The following MIB1 variants were observed in gnomAD, a reference collection of about 807,000 sequenced individuals.
MIB1 encodes MIB E3 ubiquitin protein ligase 1.
In MIB1, 278 loss-of-function variants were observed where a neutral mutation model predicts 124.5. The observed-to-expected ratio is 2.23, with a 90% CI of 2.02 to 2.47. The LOEUF (loss-of-function observed/expected upper bound fraction) is 2.47, where lower values mean the gene tolerates loss of function less well. Among genes scored for constraint, MIB1 ranks in the 30% most tolerant of loss-of-function variants. MIB1 has a pLI of 0.00. For missense variants in MIB1, 957 were observed against 1,254.4 expected (o/e 0.76, Z 3.58); for synonymous variants, 446 against 429.4 (o/e 1.04, Z -0.48).
In MIB1 at chr18:21,804,010, C is replaced by G; in HGVS notation, c.1475C>G (p.Ala492Gly). ...LLLKQNVDVE[A>G]EDKDGDRAVH... ...TTGAAGCAAAACGTGGATGTCGAAG[C>G]AGAGGTAAGTAAACTTGAAAAATAT... The change falls in exon 10 of 21, where the codon GCA (alanine) becomes GGA (glycine). Residue 492 changes from alanine to glycine, a missense_variant. Physicochemically the swap from Ala to Gly is moderately conservative, Grantham distance 60. Transcript: ENST00000261537. 1 of 1,608,194 alleles carries G rather than the reference C, an allele frequency of 6.2e-7. No individual in the cohort carries two copies. Among genetic ancestry groups the G allele is most frequent in the Non-Finnish European group, 8.5e-7 (1 of 1,175,104 alleles).
intron 1 of MIB1, among the ~76,000 whole-genome samples, chr18:21,734,508 CT>C (rs1346207213): frequency 6.7e-6 from 1 of 149,868 alleles, no homozygotes; most frequent in Non-Finnish European, 1.5e-5. Context: ...TTCTTTCTTT[CT>C]TTCTTGTCTC....
At chr18:21,723,777 G>A (rs2040725548) in intron 1 of MIB1, among the ~76,000 whole-genome samples, 1 of 152,142 alleles carries the variant, frequency 6.6e-6, no homozygotes, top group South Asian at 2.1e-4. Context: ...GCCTCCCAAA[G>A]TGTTGGGATT....
chr18:21,769,396 A>G lies in MIB1; in HGVS notation c.531+644A>G, dbSNP rs535420353. Among the ~76,000 whole-genome samples the G allele has an allele frequency of 3.9e-5, 6 of 152,338 alleles. No individual in the cohort carries two copies. In the East Asian group the frequency reaches 1.2e-3, roughly 29 times the overall value. On this transcript the variant is annotated intron_variant, in intron 3 of 20. Coordinates refer to ENST00000261537, the MANE Select transcript of MIB1 (RefSeq NM_020774.4). ...TTGGGCAGTGTATCCACAGTTGAAT[A>G]AAAACGGTACAGTGGAAGTAGGGAT... is the stretch of plus-strand genomic sequence containing the variant.
chr18:21,828,933 T>A (rs2041952723), intron 12 of MIB1: 4 of 451,304 alleles, frequency 8.9e-6, no homozygotes, highest in Admixed American at 5.5e-5. Flanking sequence ...ATTTACCATA[T>A]GACGGTCATT....
intron 7 of MIB1, among the ~76,000 whole-genome samples, chr18:21,795,763 A>G (rs916748411): frequency 6.6e-6 from 1 of 152,184 alleles, no homozygotes; most frequent in African/African-American, 2.4e-5. Context: ...ATATCTTCAT[A>G]GGAAGAATAG....
intron 12 of MIB1, among the ~76,000 whole-genome samples, chr18:21,820,759 G>A (rs932252209): frequency 1.3e-5 from 2 of 152,246 alleles, no homozygotes; most frequent in Non-Finnish European, 2.9e-5. Context: ...GCTTTTTGGG[G>A]CAGGTGTTAA....
chr18:21,782,975 A>G (rs2041387547), intron 6 of MIB1, among the ~76,000 whole-genome samples: 1 of 152,122 alleles, frequency 6.6e-6, no homozygotes, highest in African/African-American at 2.4e-5. Flanking sequence ...TGCATATATA[A>G]TTGTTATATC....
intron 12 of MIB1, chr18:21,828,783 A>G (rs2041950693): frequency 5.2e-6 from 1 of 192,788 alleles, no homozygotes; most frequent in Non-Finnish European, 1.1e-5. Context: ...GAGTTTCATG[A>G]TAATTGAAAT....
chr18:21,776,514 A>G (rs539366318), intron 4 of MIB1, among the ~76,000 whole-genome samples: 2 of 152,166 alleles, frequency 1.3e-5, no homozygotes, highest in African/African-American at 4.8e-5. Flanking sequence ...CTTTTAAGTA[A>G]ATCCACATCT....
At chr18:21,762,713 A>G (rs1227118643) in intron 1 of MIB1, among the ~76,000 whole-genome samples, 3 of 152,170 alleles carry the variant, frequency 2.0e-5, no homozygotes, top group Non-Finnish European at 4.4e-5. Flanking sequence ...ACCTAAGCAA[A>G]TCTTTACAGA....
intron 18 of MIB1, chr18:21,854,705 G>T (rs2042211773): frequency 5.4e-6 from 1 of 186,014 alleles, no homozygotes; most frequent in Non-Finnish European, 1.1e-5. Context: ...TCTGCTCTTT[G>T]AAAGGAAAGC....
chr18:21,859,184 A>C (rs894555725), intron 20 of MIB1, among the ~76,000 whole-genome samples: 2 of 151,770 alleles, frequency 1.3e-5, no homozygotes, highest in Non-Finnish European at 2.9e-5. Flanking sequence ...CCAATGTAGG[A>C]GGATTTCTTG....
At chr18:21,840,779 C>T (rs1029430096) in intron 13 of MIB1, among the ~76,000 whole-genome samples, 3 of 150,082 alleles carry the variant, frequency 2.0e-5, no homozygotes, top group African/African-American at 7.4e-5. Context: ...TTCAGAGAGC[C>T]ATGATGGCGC....
intron 5 of MIB1, among the ~76,000 whole-genome samples, 167 bp downstream of exon 5, chr18:21,778,336 T>G (rs2041316566): frequency 6.6e-6 from 1 of 152,258 alleles, no homozygotes; most frequent in African/African-American, 2.4e-5. Context: ...TTATTATGCT[T>G]TATTTGGACT....
intron 7 of MIB1, among the ~76,000 whole-genome samples, chr18:21,792,153 A>G (rs942229553): frequency 6.6e-6 from 1 of 151,576 alleles, no homozygotes; most frequent in African/African-American, 2.4e-5. Context: ...TCACCTTGCC[A>G]TCCCTTATGC....
chr18:21,857,610 A>G (rs1848037069), intron 19 of MIB1, among the ~76,000 whole-genome samples: 1 of 152,272 alleles, frequency 6.6e-6, no homozygotes, highest in South Asian at 2.1e-4. Flanking sequence ...GAAAGTATTA[A>G]CCTGCTTCCA....
chr18:21,859,804 G>A (rs1353105339), intron 20 of MIB1, among the ~76,000 whole-genome samples: 8 of 146,176 alleles, frequency 5.5e-5, no homozygotes, highest in African/African-American at 2.0e-4. Flanking sequence ...CAGGAGAGTC[G>A]CTTGAACCCG....
intron 12 of MIB1, among the ~76,000 whole-genome samples, chr18:21,820,078 A>G (rs569724424): frequency 1.3e-5 from 2 of 152,322 alleles, no homozygotes; most frequent in South Asian, 4.1e-4. Context: ...ATAAACTTCT[A>G]GTATAGCTAT....
chr18:21,738,286 C>G (rs951453990), upstream of MIB1, among the ~76,000 whole-genome samples: 1 of 152,256 alleles, frequency 6.6e-6, no homozygotes, highest in Middle Eastern at 3.4e-3. Context: ...CACTCAAAAC[C>G]TCACAGCTAC....
Sources: gnomAD v4.1 joint callset for allele counts (sites outside exome capture counted in the v4.1 genomes callset) on GRCh38, gnomAD v4.1.1 for gene constraint, MANE v1.5 for transcripts, NCBI Gene and HGNC (gene_info 2026-07-23, HGNC 2026-07-21) for gene names.